The following PI4KA variants were observed in gnomAD, a reference collection of about 807,000 sequenced individuals.
The protein encoded by PI4KA is phosphatidylinositol 4-kinase alpha.
Under a neutral mutation model 271.4 loss-of-function variants are expected in PI4KA, and 122 were observed. The observed-to-expected ratio is 0.45, with a 90% CI of 0.39 to 0.52. The LOEUF is 0.52. Ranked by LOEUF, PI4KA falls within the 20% of genes least tolerant of loss-of-function variation. The pLI is 0.00. For missense variants in PI4KA, 1,969 were observed against 2,769.1 expected (o/e 0.71, Z 6.48); for synonymous variants, 1,041 against 1,078.8 (o/e 0.96, Z 0.69).
At chr22:20,844,990 T>C (rs1926067642) in intron 1 of PI4KA, among the ~76,000 whole-genome samples, 2 of 152,164 alleles carry the variant, frequency 1.3e-5, no homozygotes, top group Admixed American at 6.5e-5. Flanking sequence ...GAGTGGGTCA[T>C]TATAAAAAGT....
chr22:20,708,178 G>A, intron 54 of PI4KA, 80 bp from the exon 55 acceptor site: 1 of 1,100,990 alleles, frequency 9.1e-7, no homozygotes, highest in South Asian at 1.2e-5. Flanking sequence ...AGCCCTACCT[G>A]TCCAATCAGC....
At position 20,819,908 on chromosome 22, in the gene PI4KA, AT is replaced by A. The variant is rs1241438764; in HGVS notation, c.530-9del. ...CATACTTGCAAAGGTATTCTAGAAG[AT>A]CAAGTGAAAACGTTACAATATAAGA... On this transcript the variant is annotated splice_polypyrimidine_tract_variant and intron_variant, in intron 5 of 54. Coordinates refer to ENST00000255882, the MANE Select transcript of PI4KA (RefSeq NM_058004.4). 2.5e-6 allele frequency: 4 copies of A among 1,611,304 alleles called. No homozygotes were observed. The highest frequency in any genetic ancestry group is 1.3e-5 in the African/African-American group (1 of 74,954).
intron 4 of PI4KA, among the ~76,000 whole-genome samples, chr22:20,822,422 C>T (rs1922834641): frequency 6.6e-6 from 1 of 152,168 alleles, no homozygotes; most frequent in Non-Finnish European, 1.5e-5. Flanking sequence ...TCTCTACTAA[C>T]GTAGTTGGTA....
chr22:20,802,857 T>A (rs1935407887), intron 13 of PI4KA, among the ~76,000 whole-genome samples: 1 of 152,238 alleles, frequency 6.6e-6, no homozygotes, highest in South Asian at 2.1e-4. Context: ...TTTCATCATA[T>A]GTGGAAACAT....
rs1196870825 is a variant in PI4KA, at chr22:20,742,645, G to A, written c.3576C>T (p.Ala1192=). 1.9e-6 allele frequency: 3 copies of A among 1,614,126 alleles called. No individual in the cohort carries two copies. Among genetic ancestry groups the A allele is most frequent in the Non-Finnish European group, 2.5e-6 (3 of 1,179,994 alleles). ...DRSHPQHYTQ[A]MFKLTAMLIS... The stretch of plus-strand genomic sequence containing the variant: ...TGAGCATTGCGGTCAGCTTGAACAT[G>A]GCCTGCGTGTAGTGCTGAGGATGAC... Residue 1192 remains alanine, a synonymous_variant, in exon 31 of 55, where the codon GCC becomes GCT. Transcript: ENST00000255882.
chr22:20,729,641 C>A lies in PI4KA; in HGVS notation c.4479G>T (p.Leu1493=). 6.4e-7 allele frequency: 1 copy of A among 1,570,382 alleles called. No individual in the cohort carries two copies. The highest frequency in any genetic ancestry group is 8.6e-7 in the Non-Finnish European group (1 of 1,156,308). Residue 1493 remains leucine (L), a synonymous_variant, in exon 38 of 55, where the codon CTG becomes CTT. Coordinates refer to ENST00000255882, the MANE Select transcript of PI4KA (RefSeq NM_058004.4). ...CACCTGTGGGCCTTACCAGCAGGGACAGCAGCAGCGTCCTGCGCTTCATGT... is the reference window on the plus strand; with the variant it reads ...CACCTGTGGGCCTTACCAGCAGGGAAAGCAGCAGCGTCCTGCGCTTCATGT... ...KYYMKRRTLL[L]SLLATEIERL...
At chr22:20,747,520 T>C in intron 29 of PI4KA, 63 bp downstream of exon 29, 1 of 1,572,742 alleles carries the variant, frequency 6.4e-7, no homozygotes, top group Non-Finnish European at 8.7e-7. Context: ...GCTCTAAGCC[T>C]TCCCCTGCAC....
chr22:20,755,921 T>G (rs1931242177), intron 23 of PI4KA, among the ~76,000 whole-genome samples: 2 of 152,182 alleles, frequency 1.3e-5, no homozygotes, highest in African/African-American at 4.8e-5. Context: ...TGTTTCTCTA[T>G]CCAGTGTTTT....
chr22:20,814,296 T>A (rs1239515162), intron 7 of PI4KA, among the ~76,000 whole-genome samples: 1 of 152,030 alleles, frequency 6.6e-6, no homozygotes, highest in East Asian at 1.9e-4. Flanking sequence ...AAATCATACA[T>A]AGAGGTAGAA....
At chr22:20,781,325 C>T (rs1178540371) in intron 19 of PI4KA, among the ~76,000 whole-genome samples, 2 of 152,216 alleles carry the variant, frequency 1.3e-5, no homozygotes, top group African/African-American at 4.8e-5. Flanking sequence ...AGGAATGGTT[C>T]GGCTTCAGGA....
intron 19 of PI4KA, among the ~76,000 whole-genome samples, chr22:20,771,565 CTTTATTTATTTATTTA>C (rs361642): frequency 7.5e-5 from 11 of 147,230 alleles, no homozygotes; most frequent in East Asian, 4.1e-4. Flanking sequence ...AATATGTTGG[CTTTATTTATTTATTTA>C]TTTATTTATT....
chr22:20,771,225 C>T (rs909361160), intron 19 of PI4KA, among the ~76,000 whole-genome samples: 3 of 151,940 alleles, frequency 2.0e-5, no homozygotes, highest in Non-Finnish European at 4.4e-5. Context: ...GAGTTCAAGA[C>T]CAGCCTGGCC....
At chr22:20,834,488 T>C (rs1447577798) in intron 3 of PI4KA, 74 bp downstream of exon 3, 1 of 910,730 alleles carries the variant, frequency 1.1e-6, no homozygotes, top group African/African-American at 1.6e-5. Flanking sequence ...TCAGTATGAA[T>C]AAACACTTGA....
In PI4KA at chr22:20,714,518, CT is replaced by C; in HGVS notation, c.5400del (p.Ala1801ProfsTer9). Reference sequence around the variant, plus strand: ...ACCTTGAACTTGGCCAGATATGGGGCTTTTGCAGCACTGAAAACAACAAAAA... The same window carrying C: ...ACCTTGAACTTGGCCAGATATGGGGCTTTGCAGCACTGAAAACAACAAAAA... ...KSGTPMQSAA[K>X]APYLAKFKVK... is the part of the protein sequence containing the mutation. On this transcript the variant is annotated frameshift_variant, in exon 47 of 55. Transcript: ENST00000255882. LOFTEE classifies it high-confidence loss of function. The C allele has an allele frequency of 1.2e-6, 2 of 1,613,738 alleles. No homozygotes were observed. Among genetic ancestry groups the C allele is most frequent in the Non-Finnish European group, 1.7e-6 (2 of 1,179,732 alleles).
In PI4KA at chr22:20,843,210, G is replaced by A. The variant is rs368692017; in HGVS notation, c.157-4479C>T. 4.7e-4 allele frequency among the ~76,000 whole-genome samples: 72 copies of A among 151,688 alleles called. No individual in the cohort carries two copies. In the South Asian group the frequency reaches 0.011, roughly 24 times the overall value. On this transcript the variant is annotated intron_variant, in intron 1 of 54. Coordinates refer to ENST00000255882, the MANE Select transcript of PI4KA (RefSeq NM_058004.4). ...TAACTTTAGAATCAGAAAAAAATAC[G>A]GCCAGGCATGGGCTTACGCTTGTAA...
intron 23 of PI4KA, among the ~76,000 whole-genome samples, chr22:20,757,698 C>T (rs902989943): frequency 4.6e-5 from 7 of 152,110 alleles, no homozygotes; most frequent in African/African-American, 1.7e-4. Flanking sequence ...CACACGCCAC[C>T]GCACCTGGCT....
rs762692124 is a variant in PI4KA, at chr22:20,709,931, G to C, written c.6150C>G (p.Arg2050=). 6.2e-7 allele frequency: 1 copy of C among 1,611,938 alleles called. No homozygotes were observed. Among genetic ancestry groups the C allele is most frequent in the South Asian group, 1.1e-5 (1 of 91,040 alleles). The part of the protein sequence containing the change: ...LMLDTGLPCF[R]GQTIKLLKHR... ...ACTTCAAGAGCTTGATTGTCTGGCC[G>C]CGAAAACAGGGCAGGCCCGTGTCCA... Residue 2050 remains arginine, a synonymous_variant, in exon 53 of 55, where the codon CGC becomes CGG. Coordinates refer to ENST00000255882, the MANE Select transcript of PI4KA (RefSeq NM_058004.4).
chr22:20,790,164 A>C (rs1421676282), intron 19 of PI4KA, among the ~76,000 whole-genome samples: 1 of 152,170 alleles, frequency 6.6e-6, no homozygotes, highest in African/African-American at 2.4e-5. Flanking sequence ...TCTAGCCAGG[A>C]AGGAGCCTCA....
intron 19 of PI4KA, chr22:20,779,752 C>A: frequency 1.9e-6 from 3 of 1,614,240 alleles, no homozygotes; most frequent in Non-Finnish European, 1.7e-6. Flanking sequence ...CAGGTCAACA[C>A]TTTCGATAAC....
Sources: gnomAD v4.1 joint callset for allele counts (sites outside exome capture counted in the v4.1 genomes callset) on GRCh38, gnomAD v4.1.1 for gene constraint, MANE v1.5 for transcripts, NCBI Gene and HGNC (gene_info 2026-07-23, HGNC 2026-07-21) for gene names.